PLXNC1: variants seen among roughly 807,000 people sequenced by gnomAD.
The protein encoded by PLXNC1 is plexin C1.
Under a neutral mutation model 178.2 loss-of-function variants are expected in PLXNC1, and 75 were observed. The ratio of observed to expected loss-of-function variants is 0.42; its 90% CI spans 0.35 to 0.51. PLXNC1 has a LOEUF of 0.51. PLXNC1 is among the 20% of genes least tolerant of loss of function. PLXNC1 has a pLI of 0.02. For synonymous variants in PLXNC1, 790 were observed against 779.9 expected (o/e 1.01, Z -0.22); for missense variants, 1,503 against 1,984.4 (o/e 0.76, Z 4.61).
chr12:94,235,731 G>A (rs182414965), intron 9 of PLXNC1, among the ~76,000 whole-genome samples: 10 of 152,248 alleles, frequency 6.6e-5, no homozygotes, highest in East Asian at 5.8e-4. Flanking sequence ...CTACCCAGAC[G>A]AATATTTATG....
rs187678298 is a variant in PLXNC1 at position 94,158,309 on chromosome 12, C to G, written c.1062+8276C>G. On this transcript the variant is annotated intron_variant, in intron 1 of 30. Coordinates refer to ENST00000258526, the MANE Select transcript of PLXNC1 (RefSeq NM_005761.3). ...GTGCACAAGCAGGAAGTTGAGTAAG[C>G]CTGGGAGCCACAAGCAGCTCACCAG... 262 of 152,316 alleles carry G rather than the reference C, an allele frequency of 1.7e-3. 2 individuals are homozygous for G. The highest frequency in any genetic ancestry group is 6.2e-3 in the African/African-American group (257 of 41,562). 9.4% of individuals were successfully genotyped at this position (152,316 alleles called of 1,614,324 possible). A position where few individuals can be genotyped will look rare whatever the true frequency, so the allele number is the denominator to read the frequency against.
intron 2 of PLXNC1, among the ~76,000 whole-genome samples, chr12:94,169,611 G>C (rs1961765002): frequency 6.6e-6 from 1 of 152,168 alleles, no homozygotes; most frequent in Admixed American, 6.5e-5. Flanking sequence ...ACCTTCCCAA[G>C]ACATGTAACC....
In PLXNC1 at chr12:94,149,175, G is replaced by A. The variant is rs1466248389; in HGVS notation, c.204G>A (p.Leu68=). 1 of 1,591,160 alleles carries A rather than the reference G, an allele frequency of 6.3e-7. No individual in the cohort carries two copies. Among genetic ancestry groups the A allele is most frequent in the South Asian group, 1.1e-5 (1 of 88,854 alleles). The change falls in exon 1 of 31, where the codon CTG becomes CTA. Residue 68 remains leucine (L), a synonymous_variant. Coordinates refer to ENST00000258526, the MANE Select transcript of PLXNC1 (RefSeq NM_005761.3). ...FVASGSCLDQ[L]DYSLEHSLSR... ...CGAGCGGCAGCTGCCTGGACCAGCT[G>A]GACTACAGCCTGGAGCACAGCCTCT...
Position 94,297,419 on chromosome 12 carries a change from C to T in PLXNC1, c.4070C>T (p.Thr1357Ile), listed in dbSNP as rs1968045485. The T allele has an allele frequency of 6.2e-7, 1 of 1,608,588 alleles. No homozygotes were observed. ...ATGTATCTGACAAAGCTGCTGTCGACCAAGGTACACTTACTGTTCTGGGAG... is the reference window on the plus strand; with the variant it reads ...ATGTATCTGACAAAGCTGCTGTCGATCAAGGTACACTTACTGTTCTGGGAG... ...KEMYLTKLLS[T>I]KVAIHSVLEK... Residue 1357 changes from threonine (T) to isoleucine (I), a missense_variant, in exon 26 of 31, where the codon ACC becomes ATC. By Grantham distance (89) the Thr-to-Ile change is moderately conservative (BLOSUM62 -1). Transcript: ENST00000258526.
At chr12:94,235,315 A>G (rs1223979511) in intron 9 of PLXNC1, among the ~76,000 whole-genome samples, 5 of 152,250 alleles carry the variant, frequency 3.3e-5, no homozygotes, top group Non-Finnish European at 1.5e-5. Flanking sequence ...TTTAAGGAGC[A>G]AAATATAACT....
intron 17 of PLXNC1, among the ~76,000 whole-genome samples, chr12:94,256,663 A>T (rs894754633): frequency 6.6e-6 from 1 of 152,178 alleles, no homozygotes; most frequent in Non-Finnish European, 1.5e-5. Context: ...AAGCAATAAA[A>T]TAACGGAGAT....
chr12:94,202,347 A>G lies in PLXNC1; in HGVS notation c.1440-7243A>G, dbSNP rs186700562. Among the ~76,000 whole-genome samples, 426 of 152,318 alleles carry G rather than the reference A, an allele frequency of 2.8e-3. 2 individuals are homozygous for G. Among genetic ancestry groups the G allele is most frequent in the African/African-American group, 9.8e-3 (408 of 41,582 alleles). ...AGTGTTTGGCATCTGATGGGCTCTC[A>G]GTTAATATTTGTAGAATGAATGCCA... On this transcript the variant is annotated intron_variant, in intron 4 of 30. Coordinates refer to ENST00000258526, the MANE Select transcript of PLXNC1 (RefSeq NM_005761.3).
intron 11 of PLXNC1, among the ~76,000 whole-genome samples, chr12:94,243,204 T>G (rs545508118): frequency 2.0e-5 from 3 of 152,344 alleles, no homozygotes; most frequent in Admixed American, 2.0e-4. Flanking sequence ...CTCCTGGTCT[T>G]GTCATCAGGG....
At chr12:94,181,122 G>A (rs530541321) in intron 2 of PLXNC1, among the ~76,000 whole-genome samples, 2 of 152,186 alleles carry the variant, frequency 1.3e-5, no homozygotes, top group East Asian at 3.9e-4. Context: ...AATAGAGGCC[G>A]GAAGTGGTGG....
intron 3 of PLXNC1, among the ~76,000 whole-genome samples, chr12:94,184,769 G>T (rs1445670001): frequency 6.6e-6 from 1 of 152,138 alleles, no homozygotes; most frequent in Non-Finnish European, 1.5e-5. Context: ...CTGAGTAATA[G>T]TTCTCAGAGA....
intron 7 of PLXNC1, among the ~76,000 whole-genome samples, chr12:94,224,889 G>C (rs1241002915): frequency 6.6e-6 from 1 of 152,208 alleles, no homozygotes; most frequent in Non-Finnish European, 1.5e-5. Flanking sequence ...CTGAGTGACA[G>C]AGTGAGATTG....
chr12:94,178,118 A>G (rs1962168930), intron 2 of PLXNC1, among the ~76,000 whole-genome samples: 1 of 152,188 alleles, frequency 6.6e-6, no homozygotes, highest in Non-Finnish European at 1.5e-5. Context: ...TGGTTGTTCT[A>G]TTATCTAGAG....
At chr12:94,254,979 G>T in intron 16 of PLXNC1, 91 bp downstream of exon 16, 1 of 1,096,752 alleles carries the variant, frequency 9.1e-7, no homozygotes, top group South Asian at 1.4e-5. Flanking sequence ...CCACAGTAAT[G>T]AGAACTGTTT....
Position 94,226,618 on chromosome 12 carries a change from G to T in PLXNC1, c.1804G>T (p.Val602Leu). 3 of 1,612,616 alleles carry T rather than the reference G, an allele frequency of 1.9e-6. No homozygotes were observed. Among genetic ancestry groups the T allele is most frequent in the Non-Finnish European group, 1.7e-6 (2 of 1,178,760 alleles). ...CTGTGTTGCTAGATGCCCAGCATGC[G>T]TAGAAACTGGCTGCGCGTGGTGTAA... ...CSSLKECPACVETGCAWCKSA... is the reference protein window; with the variant it reads ...CSSLKECPACLETGCAWCKSA... The change falls in exon 8 of 31, where the codon GTA becomes TTA. Residue 602 changes from valine (V) to leucine (L), a missense_variant. Physicochemically the swap from Val to Leu is conservative, Grantham distance 32 (BLOSUM62 1). Coordinates refer to ENST00000258526, the MANE Select transcript of PLXNC1 (RefSeq NM_005761.3).
intron 4 of PLXNC1, among the ~76,000 whole-genome samples, chr12:94,208,088 C>G (rs562987250): frequency 3.9e-5 from 6 of 152,348 alleles, no homozygotes; most frequent in Admixed American, 3.9e-4. Flanking sequence ...GTTGCAAACT[C>G]TCTCTGACAT....
chr12:94,204,589 CT>C (rs1313423238), intron 4 of PLXNC1, among the ~76,000 whole-genome samples: 1 of 152,162 alleles, frequency 6.6e-6, no homozygotes, highest in Admixed American at 6.6e-5. Context: ...GTCTGGAGGC[CT>C]TTCATTTGAA....
chr12:94,201,913 T>C (rs1428946248), intron 4 of PLXNC1, among the ~76,000 whole-genome samples: 6 of 151,806 alleles, frequency 4.0e-5, no homozygotes, highest in African/African-American at 1.5e-4. Context: ...ATTACAGGAA[T>C]GCACCACCTC....
intron 20 of PLXNC1, among the ~76,000 whole-genome samples, chr12:94,264,764 A>AC (rs1424126092): frequency 6.6e-6 from 1 of 152,154 alleles, no homozygotes; most frequent in African/African-American, 2.4e-5. Flanking sequence ...CTAGGCATTA[A>AC]CCCACTGATG....
intron 5 of PLXNC1, among the ~76,000 whole-genome samples, chr12:94,214,792 A>G (rs1963595634): frequency 6.6e-6 from 1 of 152,228 alleles, no homozygotes. Flanking sequence ...TTACTAAGAG[A>G]TATGTGTTGG....
Sources: allele counts gnomAD v4.1 joint callset (sites outside exome capture counted in the v4.1 genomes callset), GRCh38; gene constraint gnomAD v4.1.1; transcripts MANE v1.5; gene names NCBI Gene and HGNC (gene_info 2026-07-23, HGNC 2026-07-21).